Variants in SCTR observed in about 807,000 individuals in gnomAD.
SCTR encodes the protein secretin receptor, also known as pancreatic secretin receptor.
SCTR carries 56 observed loss-of-function variants against 60.8 expected under a neutral mutation model. The observed-to-expected ratio is 0.92, with a 90% CI of 0.74 to 1.15. The LOEUF is 1.15. Ranked by LOEUF, SCTR falls within the 50% of genes most tolerant of loss-of-function variation. The pLI, the probability that SCTR is intolerant of heterozygous loss-of-function variation, is 0.00. For missense variants in SCTR, 562 were observed against 550.4 expected, an observed-to-expected ratio of 1.02 and a Z score of -0.21; for synonymous variants, 202 against 217.0, an observed-to-expected ratio of 0.93 and a Z score of 0.61.
chr2:119,515,591 T>A lies in SCTR; in HGVS notation c.72+8564A>T, dbSNP rs535051935. On this transcript the variant is annotated intron_variant, in intron 1 of 12. Transcript: ENST00000019103. ...AACTTACTCTCTCTCTTTCTCTCTC[T>A]TTCCTGGAACTGGGACACCCTTCTC... is the stretch of plus-strand genomic sequence containing the variant. 1.8e-4 allele frequency among the ~76,000 whole-genome samples: 27 copies of A among 152,310 alleles called. 1 individual carries two copies. The South Asian group carries it at 5.6e-3, about 32-fold the overall frequency.
At chr2:119,456,383 A>G (rs1683377699) in intron 7 of SCTR, among the ~76,000 whole-genome samples, 1 of 152,090 alleles carries the variant, frequency 6.6e-6, no homozygotes, top group East Asian at 1.9e-4. Flanking sequence ...ATGTCCAGCA[A>G]AATAATGAAT....
chr2:119,474,293 G>C (rs1677167334), intron 3 of SCTR, among the ~76,000 whole-genome samples: 1 of 152,198 alleles, frequency 6.6e-6, no homozygotes, highest in South Asian at 2.1e-4. Flanking sequence ...AAATTGAATG[G>C]GGATAAAGAG....
At chr2:119,483,133 C>T (rs1014777064) in intron 2 of SCTR, among the ~76,000 whole-genome samples, 4 of 152,216 alleles carry the variant, frequency 2.6e-5, no homozygotes, top group African/African-American at 7.2e-5. Context: ...CAGATGTGGA[C>T]GGTGCCAGCA....
chr2:119,488,947 C>T (rs932264300), intron 2 of SCTR, among the ~76,000 whole-genome samples: 1 of 152,212 alleles, frequency 6.6e-6, no homozygotes, highest in African/African-American at 2.4e-5. Context: ...GCATTCAGCC[C>T]TGCTCATTTC....
At chr2:119,508,094 C>T (rs901995731) in intron 1 of SCTR, among the ~76,000 whole-genome samples, 6 of 152,268 alleles carry the variant, frequency 3.9e-5, no homozygotes, top group African/African-American at 7.2e-5. Context: ...GCAACTAAGG[C>T]GTGCCCATGA....
chr2:119,501,670 T>C (rs1678556056), intron 1 of SCTR, among the ~76,000 whole-genome samples: 1 of 152,118 alleles, frequency 6.6e-6, no homozygotes, highest in Admixed American at 6.6e-5. Flanking sequence ...AGGAGATAAA[T>C]ATCCCAATTA....
At chr2:119,499,694 A>G (rs1315289054) in intron 1 of SCTR, among the ~76,000 whole-genome samples, 1 of 152,136 alleles carries the variant, frequency 6.6e-6, no homozygotes, top group Admixed American at 6.5e-5. Context: ...GATCATATCA[A>G]TAGAGGCAGA....
chr2:119,516,689 G>C (rs1028582768), intron 1 of SCTR, among the ~76,000 whole-genome samples: 6 of 152,180 alleles, frequency 3.9e-5, no homozygotes, highest in African/African-American at 1.4e-4. Flanking sequence ...GCCGGGTGTG[G>C]TGGTTCACGC....
chr2:119,495,184 G>A (rs1367121253), intron 1 of SCTR, among the ~76,000 whole-genome samples: 4 of 152,080 alleles, frequency 2.6e-5, no homozygotes, highest in Non-Finnish European at 4.4e-5. Flanking sequence ...AGAGAAGGGG[G>A]TCTCTCTATG....
At chr2:119,453,183 T>G in intron 8 of SCTR, 104 bp downstream of exon 8, 2 of 871,956 alleles carry the variant, frequency 2.3e-6, no homozygotes, top group Non-Finnish European at 3.8e-6. Context: ...GCCTCTACTT[T>G]GAGAAAAAGG....
intron 1 of SCTR, among the ~76,000 whole-genome samples, chr2:119,521,668 A>G (rs1468646105): frequency 1.3e-5 from 2 of 152,136 alleles, no homozygotes; most frequent in Non-Finnish European, 2.9e-5. Flanking sequence ...AGCGGTAATA[A>G]GCAATTTGGC....
In SCTR at chr2:119,444,425, G is replaced by A. The variant is rs191200395; in HGVS notation, c.1140+2334C>T. ...CGTATGAATATATATACCCATATAC[G>A]TATGAATATACACATATATATACGT... On this transcript the variant is annotated intron_variant, in intron 11 of 12. Transcript: ENST00000019103. Among the ~76,000 whole-genome samples the A allele has an allele frequency of 1.4e-4, 7 of 49,512 alleles. 1 individual carries two copies. The highest frequency in any genetic ancestry group is 1.2e-3 in the East Asian group (2 of 1,698). 32.5% of individuals were successfully genotyped at this position (49,512 alleles called of 152,430 possible).
intron 2 of SCTR, among the ~76,000 whole-genome samples, chr2:119,481,256 T>C (rs1263478201): frequency 6.6e-6 from 1 of 152,196 alleles, no homozygotes; most frequent in Non-Finnish European, 1.5e-5. Flanking sequence ...GAACCTGTTT[T>C]TAGGCATCAA....
Position 119,440,003 on chromosome 2 carries a change from C to T in SCTR, c.*114G>A, listed in dbSNP as rs955382320. ...TCCAAGGCCTGGGGAGGGGCATCTT[C>T]AGCTGAAGGAGGACACAGGGTGTCT... On this transcript the variant is annotated 3_prime_UTR_variant, in exon 13 of 13. Coordinates refer to ENST00000019103, the MANE Select transcript of SCTR (RefSeq NM_002980.3). 3.5e-6 allele frequency: 4 copies of T among 1,133,064 alleles called. No individual in the cohort carries two copies. The highest frequency in any genetic ancestry group is 3.1e-5 in the African/African-American group (2 of 65,376). 70.2% of individuals were successfully genotyped at this position (1,133,064 alleles called of 1,614,324 possible).
intron 2 of SCTR, among the ~76,000 whole-genome samples, chr2:119,491,536 A>T (rs1024240902): frequency 2.0e-5 from 3 of 151,824 alleles, no homozygotes; most frequent in African/African-American, 7.3e-5. Flanking sequence ...TTTTTGACAG[A>T]GTTTCACTCT....
chr2:119,464,282 G>A lies in SCTR; in HGVS notation c.504-27C>T, dbSNP rs376116434. The A allele has an allele frequency of 1.1e-4, 179 of 1,613,918 alleles. 1 individual carries two copies. The African/African-American group carries it at 1.8e-3, about 16-fold the overall frequency. Reference sequence around the variant, plus strand: ...TGCAGGGAGAGAATGTAGGGACATAGAGGCCAGAGCCTGAGGGGCTGGGAC... The same window carrying A: ...TGCAGGGAGAGAATGTAGGGACATAAAGGCCAGAGCCTGAGGGGCTGGGAC... On this transcript the variant is annotated intron_variant, in intron 5 of 12. Coordinates refer to ENST00000019103, the MANE Select transcript of SCTR (RefSeq NM_002980.3).
intron 7 of SCTR, among the ~76,000 whole-genome samples, chr2:119,454,219 C>T (rs533384893): frequency 1.6e-4 from 24 of 152,178 alleles, no homozygotes; most frequent in Admixed American, 2.6e-4. Flanking sequence ...CCAGGGCACC[C>T]GGTACCCAGG....
intron 2 of SCTR, chr2:119,480,827 A>G (rs1238204319): frequency 6.6e-6 from 1 of 152,342 alleles, no homozygotes; most frequent in Non-Finnish European, 1.5e-5. Flanking sequence ...AGGGACACCC[A>G]TGAGGCGAGC....
At position 119,457,862 on chromosome 2, in the gene SCTR, G is replaced by A. The variant is rs150541541; in HGVS notation, c.790+3985C>T. Among the ~76,000 whole-genome samples, 1,252 of 152,302 alleles carry A rather than the reference G, an allele frequency of 8.2e-3. 20 individuals are homozygous for A. The highest frequency in any genetic ancestry group is 0.029 in the African/African-American group (1,188 of 41,548). Reference sequence around the variant, plus strand: ...GAGGAACAAGTTAAAAGAGTGAAAGGCATTAACTCTGGAGGCTGAGCTCGG... The same window carrying A: ...GAGGAACAAGTTAAAAGAGTGAAAGACATTAACTCTGGAGGCTGAGCTCGG... On this transcript the variant is annotated intron_variant, in intron 7 of 12. Coordinates refer to ENST00000019103, the MANE Select transcript of SCTR (RefSeq NM_002980.3).
Sources: allele counts gnomAD v4.1 joint callset (sites outside exome capture counted in the v4.1 genomes callset), GRCh38; gene constraint gnomAD v4.1.1; transcripts MANE v1.5; gene names NCBI Gene and HGNC (gene_info 2026-07-23, HGNC 2026-07-21).